Variants in ERICH1 observed in about 807,000 individuals in gnomAD.
The protein encoded by ERICH1 is glutamate-rich protein 1.
In ERICH1, 56 loss-of-function variants were observed where a neutral mutation model predicts 39.6. The observed-to-expected ratio is 1.41, with a 90% CI of 1.14 to 1.77. The LOEUF (loss-of-function observed/expected upper bound fraction) is 1.77. Among genes scored for constraint, ERICH1 ranks in the 40% most tolerant of loss-of-function variants. The pLI is 0.00. For synonymous variants in ERICH1, 313 were observed against 223.6 expected, an observed-to-expected ratio of 1.40 and a Z score of -3.57; for missense variants, 826 against 575.4, an observed-to-expected ratio of 1.44 and a Z score of -4.45.
chr8:688,235 G>A (rs899801563), intron 3 of ERICH1, among the ~76,000 whole-genome samples: 1 of 82,148 alleles, frequency 1.2e-5, no homozygotes, highest in East Asian at 3.1e-4. Context: ...CGACGTTCTC[G>A]CAGAAAAGGT....
chr8:660,398 G>T (rs1399909971), downstream of ERICH1, among the ~76,000 whole-genome samples: 1 of 152,216 alleles, frequency 6.6e-6, no homozygotes, highest in African/African-American at 2.4e-5. Flanking sequence ...CCTGAGGTCG[G>T]CTGCCAGGTT....
intron 3 of ERICH1, among the ~76,000 whole-genome samples, chr8:651,244 C>T (rs889380701): frequency 1.3e-5 from 2 of 152,204 alleles, no homozygotes; most frequent in Non-Finnish European, 2.9e-5. Flanking sequence ...AGAGAAGTGG[C>T]GCTGGGCTTA....
chr8:731,010 G>C, intron 1 of ERICH1, 130 bp downstream of exon 1: 1 of 1,105,400 alleles, frequency 9.0e-7, no homozygotes, highest in Non-Finnish European at 1.2e-6. Flanking sequence ...TGGGGTGGAG[G>C]TGGGGAGTCG....
intron 3 of ERICH1, chr8:626,637 G>T (rs1297079316): frequency 6.3e-6 from 1 of 157,658 alleles, no homozygotes; most frequent in East Asian, 1.8e-4. Context: ...CCTTGTCAAG[G>T]TCCTCCTAAA....
chr8:681,836 G>A (rs774342987), intron 3 of ERICH1, among the ~76,000 whole-genome samples: 3 of 152,092 alleles, frequency 2.0e-5, no homozygotes, highest in Non-Finnish European at 4.4e-5. Context: ...CCACCTGTGC[G>A]CTTCCCTGCA....
intron 3 of ERICH1, chr8:686,780 G>C (rs557694872): frequency 3.9e-5 from 6 of 152,372 alleles, no homozygotes; most frequent in African/African-American, 7.2e-5. Context: ...GAGAGAGAGA[G>C]AGCGCGCACA....
intron 3 of ERICH1, among the ~76,000 whole-genome samples, chr8:621,128 T>A (rs1797254637): frequency 6.6e-6 from 1 of 152,128 alleles, no homozygotes; most frequent in African/African-American, 2.4e-5. Context: ...ACTTGGGAAA[T>A]TCACAAATAT....
At chr8:687,459 C>G (rs1305247229) in intron 3 of ERICH1, among the ~76,000 whole-genome samples, 1 of 152,246 alleles carries the variant, frequency 6.6e-6, no homozygotes, top group Non-Finnish European at 1.5e-5. Context: ...GACGGTCTGG[C>G]ACAACAAACG....
chr8:664,636 G>C lies in ERICH1; in HGVS notation c.1299C>G (p.Ile433Met). 2 of 1,613,000 alleles carry C rather than the reference G, an allele frequency of 1.2e-6. No homozygotes were observed. Among genetic ancestry groups the C allele is most frequent in the Non-Finnish European group, 1.7e-6 (2 of 1,179,696 alleles). The part of the protein sequence containing the change: ...RVISAFFSYW[I>M]THILPEKSSD ...TGCTCTTCTCAGGAAGGATATGTGTGATCCAGTAACTAAAGAAAGCTGAGA... is the reference window on the plus strand; with the variant it reads ...TGCTCTTCTCAGGAAGGATATGTGTCATCCAGTAACTAAAGAAAGCTGAGA... Residue 433 changes from isoleucine to methionine, a missense_variant, in exon 6 of 6, where the codon ATC becomes ATG. Coordinates refer to ENST00000262109, the MANE Select transcript of ERICH1 (RefSeq NM_207332.3).
At chr8:677,943 G>A (rs184022214) in intron 3 of ERICH1, among the ~76,000 whole-genome samples, 13 of 152,030 alleles carry the variant, frequency 8.6e-5, no homozygotes, top group African/African-American at 2.4e-4. Context: ...GTCGTACCCC[G>A]GGGTCAGCTT....
downstream of ERICH1, chr8:664,184 T>A (rs1801845921): frequency 2.1e-6 from 2 of 955,038 alleles, no homozygotes; most frequent in Non-Finnish European, 2.5e-6. Flanking sequence ...GAAAAAAAAC[T>A]CAACTATATT....
At chr8:627,133 G>A (rs998152220) in intron 3 of ERICH1, 3 of 456,258 alleles carry the variant, frequency 6.6e-6, no homozygotes, top group Non-Finnish European at 1.3e-5. Context: ...CATGGATATT[G>A]GGAAGACAGA....
rs1809145919 is a variant in ERICH1 at position 692,542 on chromosome 8, G to C, written c.240C>G (p.Pro80=). 6.2e-7 allele frequency: 1 copy of C among 1,613,872 alleles called. No homozygotes were observed. Among genetic ancestry groups the C allele is most frequent in the Non-Finnish European group, 8.5e-7 (1 of 1,179,962 alleles). The change falls in exon 3 of 6, where the codon CCC becomes CCG. Residue 80 remains proline (P), a synonymous_variant. Transcript: ENST00000262109. ...CACAGCTGCTGGGCTCCGGCCAACA[G>C]GGGACGTAGCCCTCAGGAGGCCCGC... ...TASGPPEGYV[P]CWPEPSSCGS... is the part of the protein sequence containing the mutation.
intron 1 of ERICH1, among the ~76,000 whole-genome samples, chr8:722,400 T>G (rs1441751169): frequency 6.6e-6 from 1 of 152,126 alleles, no homozygotes. Flanking sequence ...GGGAATTAAG[T>G]CACTTCGGTA....
chr8:692,008 C>T (rs547708707), intron 3 of ERICH1, among the ~76,000 whole-genome samples: 2 of 152,142 alleles, frequency 1.3e-5, no homozygotes, highest in Non-Finnish European at 2.9e-5. Flanking sequence ...GTACGACATG[C>T]AACAACAATA....
At chr8:661,037 A>T (rs149149266), downstream of ERICH1, among the ~76,000 whole-genome samples, 127 of 152,278 alleles carry the variant, frequency 8.3e-4, 1 homozygote, top group African/African-American at 2.3e-3. Flanking sequence ...AGCCCTAAGT[A>T]ACCTGGTAGG....
chr8:638,320 G>C (rs1425552509), intron 3 of ERICH1, among the ~76,000 whole-genome samples: 1 of 152,236 alleles, frequency 6.6e-6, no homozygotes, highest in Non-Finnish European at 1.5e-5. Context: ...CTCAGCACCA[G>C]ACAGCCACGC....
At chr8:657,362 G>A (rs1800790697) in intron 3 of ERICH1, among the ~76,000 whole-genome samples, 1 of 151,968 alleles carries the variant, frequency 6.6e-6, no homozygotes, top group Admixed American at 6.6e-5. Flanking sequence ...TTGCAGGACT[G>A]GAGTGTCTCT....
chr8:659,038 CGGTGTGCACTGAGCATCCTGGGG>C (rs2131730320), intron 3 of ERICH1, among the ~76,000 whole-genome samples: 35 of 110,084 alleles, frequency 3.2e-4, no homozygotes, highest in African/African-American at 1.1e-3. Context: ...TCGAGATCTC[CGGTGTGCACTGAGCATCCTGGGG>C]AGGGGGTGAC....
Sources: allele counts gnomAD v4.1 joint callset (sites outside exome capture counted in the v4.1 genomes callset), GRCh38; gene constraint gnomAD v4.1.1; transcripts MANE v1.5; gene names NCBI Gene and HGNC (gene_info 2026-07-23, HGNC 2026-07-21).